The following DNM3 variants were observed in gnomAD, a reference collection of about 807,000 sequenced individuals.
DNM3 encodes dynamin 3.
Under a neutral mutation model 101.6 loss-of-function variants are expected in DNM3, and 47 were observed. That is an observed-to-expected ratio of 0.46 (90% CI 0.37 to 0.59). The LOEUF is 0.59. Ranked by LOEUF, DNM3 falls within the 20% of genes least tolerant of loss-of-function variation. The pLI is 0.00. For synonymous variants in DNM3, 385 were observed against 387.9 expected, an observed-to-expected ratio of 0.99 and a Z score of 0.09; for missense variants, 849 against 1,085.7, an observed-to-expected ratio of 0.78 and a Z score of 3.06.
intron 15 of DNM3, among the ~76,000 whole-genome samples, chr1:172,265,504 A>G (rs547513726): frequency 6.6e-6 from 1 of 152,158 alleles, no homozygotes; most frequent in African/African-American, 2.4e-5. Flanking sequence ...GGCATCATAG[A>G]TATCTGGGGA....
chr1:172,110,028 T>A (rs2055347340), intron 13 of DNM3, among the ~76,000 whole-genome samples: 2 of 152,314 alleles, frequency 1.3e-5, no homozygotes, highest in Admixed American at 6.5e-5. Context: ...ACAAAAAAAA[T>A]TCTGAACCTG....
At chr1:172,203,556 A>T (rs926796408) in intron 14 of DNM3, among the ~76,000 whole-genome samples, 2 of 152,194 alleles carry the variant, frequency 1.3e-5, no homozygotes, top group Admixed American at 1.3e-4. Context: ...ATTATGGTAA[A>T]CAACCAGATT....
intron 14 of DNM3, among the ~76,000 whole-genome samples, chr1:172,253,118 A>G (rs1400598662): frequency 6.6e-6 from 1 of 152,150 alleles, no homozygotes; most frequent in East Asian, 1.9e-4. Flanking sequence ...CAAGAAATGA[A>G]ATCCATCTGG....
chr1:172,076,785 G>A (rs1369751634), intron 11 of DNM3, among the ~76,000 whole-genome samples: 1 of 152,010 alleles, frequency 6.6e-6, no homozygotes, highest in Non-Finnish European at 1.5e-5. Context: ...TCTTTTTTGT[G>A]TGTGTCTCTG....
chr1:171,931,006 G>A (rs2040963356), intron 2 of DNM3, among the ~76,000 whole-genome samples: 1 of 152,142 alleles, frequency 6.6e-6, no homozygotes, highest in Non-Finnish European at 1.5e-5. Flanking sequence ...CGCATAAGAA[G>A]GTAAGGCCAG....
chr1:172,325,291 A>G (rs1341111042), intron 17 of DNM3, among the ~76,000 whole-genome samples: 2 of 152,170 alleles, frequency 1.3e-5, no homozygotes, highest in Non-Finnish European at 2.9e-5. Context: ...ACGCTTGCGC[A>G]TGTGCTATGA....
intron 2 of DNM3, among the ~76,000 whole-genome samples, chr1:171,924,320 C>T (rs1285633475): frequency 6.6e-6 from 1 of 152,136 alleles, no homozygotes; most frequent in Non-Finnish European, 1.5e-5. Flanking sequence ...GTTCCCTTTT[C>T]TCTGCAGCCC....
intron 15 of DNM3, among the ~76,000 whole-genome samples, chr1:172,270,142 A>G (rs187061833): frequency 1.3e-5 from 2 of 152,262 alleles, no homozygotes; most frequent in Admixed American, 6.5e-5. Context: ...CAATTCAGTT[A>G]GAGTTGAATA....
intron 11 of DNM3, among the ~76,000 whole-genome samples, chr1:172,076,962 G>T (rs112954951): frequency 0.011 from 1,676 of 152,174 alleles, 11 homozygotes; most frequent in Non-Finnish European, 0.019. Context: ...TTTTTGGTTG[G>T]TAGGCTATTA....
chr1:172,242,574 C>G (rs913506943), intron 14 of DNM3, among the ~76,000 whole-genome samples: 1 of 152,150 alleles, frequency 6.6e-6, no homozygotes, highest in Non-Finnish European at 1.5e-5. Context: ...TCCTGAGTAT[C>G]TGGAATCATA....
Position 172,412,390 on chromosome 1 carries a change from A to G in DNM3, c.*4549A>G, listed in dbSNP as rs531226036. On this transcript the variant is annotated 3_prime_UTR_variant, in exon 21 of 21. Transcript: ENST00000627582. ...CTACTTGATTTGTGTTATATTTCCT[A>G]TGTACATGTACAGCCTTTGTTTTGC... is the stretch of plus-strand genomic sequence containing the variant. 8 of 985,722 alleles carry G rather than the reference A, an allele frequency of 8.1e-6. No individual in the cohort carries two copies. Among genetic ancestry groups the G allele is most frequent in the East Asian group, 1.1e-4 (1 of 8,818 alleles). 61.1% of individuals were successfully genotyped at this position (985,722 alleles called of 1,614,324 possible).
At chr1:171,935,769 C>CTTTTTTTTTTTT (rs551030808) in intron 2 of DNM3, among the ~76,000 whole-genome samples, 1 of 48,018 alleles carries the variant, frequency 2.1e-5, no homozygotes, top group Non-Finnish European at 3.9e-5. Context: ...CAAATCAAAA[C>CTTTTTTTTTTTT]TTTTTTTTTT....
chr1:172,081,651 T>C (rs1418478477), intron 11 of DNM3, among the ~76,000 whole-genome samples, 181 bp from the exon 12 acceptor site: 1 of 152,220 alleles, frequency 6.6e-6, no homozygotes, highest in Non-Finnish European at 1.5e-5. Context: ...GATTTTTAAC[T>C]TATGAATTTA....
At chr1:172,184,542 A>T (rs557970075) in intron 14 of DNM3, among the ~76,000 whole-genome samples, 1 of 152,246 alleles carries the variant, frequency 6.6e-6, no homozygotes, top group African/African-American at 2.4e-5. Context: ...GTATGGTAAT[A>T]TCCCAGAATA....
At chr1:172,032,313 T>C in intron 4 of DNM3, 89 bp from the exon 5 acceptor site, 1 of 929,084 alleles carries the variant, frequency 1.1e-6, no homozygotes, top group Non-Finnish European at 1.7e-6. Flanking sequence ...ACCAGGAAAA[T>C]GTGCTTTACA....
At chr1:172,148,201 G>A (rs193031852) in intron 14 of DNM3, among the ~76,000 whole-genome samples, 19 of 151,740 alleles carry the variant, frequency 1.3e-4, no homozygotes, top group Non-Finnish European at 2.1e-4. Flanking sequence ...TCACAGTTTT[G>A]TACTAAGACG....
intron 2 of DNM3, among the ~76,000 whole-genome samples, chr1:171,980,846 C>T (rs945790116): frequency 1.4e-5 from 2 of 147,124 alleles, no homozygotes; most frequent in South Asian, 4.3e-4. Context: ...TCTAGGCTCA[C>T]TGCAACCTCC....
intron 15 of DNM3, among the ~76,000 whole-genome samples, chr1:172,273,335 TA>T: frequency 6.6e-6 from 1 of 152,174 alleles, no homozygotes; most frequent in South Asian, 2.1e-4. Flanking sequence ...GAGCCATCCT[TA>T]AACATAAGGA....
intron 15 of DNM3, among the ~76,000 whole-genome samples, chr1:172,285,237 G>A (rs2063652942): frequency 6.6e-6 from 1 of 152,124 alleles, no homozygotes; most frequent in Non-Finnish European, 1.5e-5. Context: ...TTTAAAAACT[G>A]TCAGTTCACC....
Sources: allele counts gnomAD v4.1 joint callset (sites outside exome capture counted in the v4.1 genomes callset), GRCh38; gene constraint gnomAD v4.1.1; transcripts MANE v1.5; gene names NCBI Gene and HGNC (gene_info 2026-07-23, HGNC 2026-07-21).